Variants in FERRY3 observed in about 807,000 individuals in gnomAD.
FERRY3 encodes FERRY endosomal RAB5 effector complex subunit 3.
chr12:4,536,149 C>T, the FERRY3 span: 5 of 1,602,918 alleles, frequency 3.1e-6, no homozygotes, highest in Non-Finnish European at 4.3e-6. Flanking sequence ...AATTTATATA[C>T]AAATTCTCTC....
chr12:4,488,522 G>A, the FERRY3 span: 6 of 152,186 alleles, frequency 3.9e-5, no homozygotes, highest in Non-Finnish European at 7.3e-5. This position sits in a 1 kb window ranked among gnomAD's most constrained non-coding sequence, Gnocchi z 4.9. Flanking sequence ...ACATACTGCT[G>A]GAGTGGGTGT....
the FERRY3 span, among the ~76,000 whole-genome samples, chr12:4,522,030 G>A: frequency 6.6e-6 from 1 of 152,152 alleles, no homozygotes; most frequent in Non-Finnish European, 1.5e-5. Flanking sequence ...ATATACAATG[G>A]CAAGAGTGAG....
At chr12:4,518,282 G>T in the FERRY3 span, 1 of 1,601,980 alleles carries the variant, frequency 6.2e-7, no homozygotes, top group South Asian at 1.1e-5. Flanking sequence ...GTCCAGGAAA[G>T]ATACTTAAGC....
chr12:4,514,522 T>G, the FERRY3 span, among the ~76,000 whole-genome samples: 3,420 of 152,012 alleles, frequency 0.022, 101 homozygotes, highest in African/African-American at 0.078. Context: ...TAGACTAGAT[T>G]AAGAAAATGT....
the FERRY3 span, among the ~76,000 whole-genome samples, chr12:4,523,677 G>T: frequency 6.6e-6 from 1 of 152,104 alleles, no homozygotes; most frequent in South Asian, 2.1e-4. Flanking sequence ...GATGAAGCTG[G>T]AAACCATCAT....
chr12:4,532,507 G>C, the FERRY3 span, among the ~76,000 whole-genome samples: 2 of 152,098 alleles, frequency 1.3e-5, no homozygotes, highest in African/African-American at 4.8e-5. Context: ...CACCAGCCCA[G>C]ATAGTCATCG....
At chr12:4,515,954 T>A in the FERRY3 span, among the ~76,000 whole-genome samples, 1 of 152,154 alleles carries the variant, frequency 6.6e-6, no homozygotes, top group East Asian at 1.9e-4. Flanking sequence ...TACATCTCAA[T>A]AAATTAAAAA....
the FERRY3 span, chr12:4,538,456 G>A: frequency 5.9e-6 from 1 of 169,164 alleles, no homozygotes; most frequent in African/African-American, 2.4e-5. Flanking sequence ...CGAGCTGTCA[G>A]CGCGTCCTGC....
At chr12:4,501,584 A>G in the FERRY3 span, among the ~76,000 whole-genome samples, 1 of 152,164 alleles carries the variant, frequency 6.6e-6, no homozygotes, top group Non-Finnish European at 1.5e-5. Flanking sequence ...TGAACTGTGC[A>G]TGCGAGGGAT....
At chr12:4,498,705 C>T in the FERRY3 span, among the ~76,000 whole-genome samples, 11 of 152,130 alleles carry the variant, frequency 7.2e-5, no homozygotes, top group South Asian at 2.1e-4. Flanking sequence ...ACCAGTTTCA[C>T]GGAAGTCAAT....
At chr12:4,505,307 A>T in the FERRY3 span, 1 of 1,577,070 alleles carries the variant, frequency 6.3e-7, no homozygotes, top group Admixed American at 1.7e-5. Flanking sequence ...AATACTTACC[A>T]GGTAAAACAT....
At chr12:4,493,670 G>A in the FERRY3 span, among the ~76,000 whole-genome samples, 1 of 152,164 alleles carries the variant, frequency 6.6e-6, no homozygotes, top group African/African-American at 2.4e-5. Context: ...TAACTGCAAA[G>A]GCTGCTACAA....
At chr12:4,500,338 C>T in the FERRY3 span, 2 of 1,612,020 alleles carry the variant, frequency 1.2e-6, no homozygotes, top group Admixed American at 1.7e-5. Context: ...ATATAAAATT[C>T]CCCTGTGAAC....
the FERRY3 span, among the ~76,000 whole-genome samples, chr12:4,510,234 A>G: frequency 3.8e-4 from 57 of 148,674 alleles, no homozygotes; most frequent in African/African-American, 1.2e-3. Flanking sequence ...TCCAAGAAAT[A>G]TGAGACTATG....
chr12:4,491,113 G>A, the FERRY3 span: 2 of 1,438,920 alleles, frequency 1.4e-6, no homozygotes, highest in Non-Finnish European at 2.0e-6. Context: ...CTTCTGGGTT[G>A]CTCTACTTTC....
the FERRY3 span, among the ~76,000 whole-genome samples, chr12:4,521,623 G>A: frequency 5.3e-5 from 8 of 152,088 alleles, no homozygotes; most frequent in African/African-American, 1.4e-4. Flanking sequence ...GTATCAGACC[G>A]ATGACCACAG....
chr12:4,503,439 A>G, the FERRY3 span, among the ~76,000 whole-genome samples: 1 of 152,230 alleles, frequency 6.6e-6, no homozygotes, highest in Non-Finnish European at 1.5e-5. Context: ...CATAAACTGT[A>G]AATACTTAGA....
At chr12:4,509,209 C>G in the FERRY3 span, 3 of 148,314 alleles carry the variant, frequency 2.0e-5, no homozygotes, top group Non-Finnish European at 4.4e-5. Flanking sequence ...AAACGGCGCA[C>G]CACGAGATTA....
At chr12:4,520,442 G>C in the FERRY3 span, among the ~76,000 whole-genome samples, 1 of 152,218 alleles carries the variant, frequency 6.6e-6, no homozygotes, top group African/African-American at 2.4e-5. Context: ...GGGAGGCAGA[G>C]CAAAAGTATG....
Sources: gnomAD v4.1 joint callset for allele counts (sites outside exome capture counted in the v4.1 genomes callset) on GRCh38, gnomAD v4.1.1 for gene constraint, Gnocchi (gnomAD v3.1) non-coding constraint, MANE v1.5 for transcripts, NCBI Gene and HGNC (gene_info 2026-07-23, HGNC 2026-07-21) for gene names.